The following ATP5F1A variants were observed in gnomAD, a reference collection of about 807,000 sequenced individuals.
ATP5F1A encodes ATP synthase F1 subunit alpha, also known as ATP synthase F(1) complex subunit alpha, mitochondrial.
A neutral mutation model predicts 57.4 loss-of-function variants in ATP5F1A; 24 were observed. The ratio of observed to expected loss-of-function variants is 0.42; its 90% CI spans 0.30 to 0.59. ATP5F1A has a LOEUF of 0.59. Ranked by LOEUF, ATP5F1A falls within the 20% of genes least tolerant of loss-of-function variation. ATP5F1A has a pLI of 0.19. For missense variants in ATP5F1A, 494 were observed against 707.9 expected, an observed-to-expected ratio of 0.70 and a Z score of 3.43; for synonymous variants, 251 against 255.5, an observed-to-expected ratio of 0.98 and a Z score of 0.17.
rs779014966 is a variant in ATP5F1A at position 46,089,955 on chromosome 18, G to A, written c.351C>T (p.Val117=). Residue 117 remains valine, a synonymous_variant, in exon 4 of 12, where the codon GTC becomes GTT. Transcript: ENST00000398752. ...TAATTAGTTTATCATTTCCAAACACGACAACACCAACATTGTCAGGTTCCA... is the reference window on the plus strand; with the variant it reads ...TAATTAGTTTATCATTTCCAAACACAACAACACCAACATTGTCAGGTTCCA... ...LNLEPDNVGV[V]VFGNDKLIKE... 51 of 1,610,296 alleles carry A rather than the reference G, an allele frequency of 3.2e-5. No individual in the cohort carries two copies. The highest frequency in any genetic ancestry group is 1.2e-4 in the African/African-American group (9 of 74,542).
intron 2 of ATP5F1A, chr18:46,092,206 AT>A (rs372257509): frequency 0.31 from 46,392 of 147,880 alleles, 8,836 homozygotes; most frequent in Middle Eastern, 0.5. Context: ...AATAATAATA[AT>A]AATAATAATA....
At chr18:46,094,362 C>G (rs1390680542) in intron 2 of ATP5F1A, among the ~76,000 whole-genome samples, 1 of 152,060 alleles carries the variant, frequency 6.6e-6, no homozygotes, top group Non-Finnish European at 1.5e-5. Flanking sequence ...TAGCTACTGC[C>G]TTTGAAAAAA....
chr18:46,093,780 C>T (rs968863847), intron 2 of ATP5F1A, among the ~76,000 whole-genome samples: 3 of 151,692 alleles, frequency 2.0e-5, no homozygotes, highest in East Asian at 3.9e-4. Flanking sequence ...GCTGAGATGG[C>T]GCAACTGCAC....
intron 8 of ATP5F1A, chr18:46,086,717 A>G (rs374592086): frequency 6.0e-5 from 36 of 597,524 alleles, no homozygotes; most frequent in East Asian, 2.0e-4. Context: ...ATACTGAAAT[A>G]CATACAAATG....
chr18:46,095,871 AAT>A (rs981595367), intron 1 of ATP5F1A, among the ~76,000 whole-genome samples: 3 of 148,386 alleles, frequency 2.0e-5, no homozygotes, highest in Non-Finnish European at 4.4e-5. Flanking sequence ...CTGGGCAGTA[AAT>A]ATATATATAC....
chr18:46,086,043 A>C (rs1372159080), intron 10 of ATP5F1A, 70 bp downstream of exon 10: 1 of 1,526,032 alleles, frequency 6.6e-7, no homozygotes, highest in Non-Finnish European at 8.9e-7. Flanking sequence ...TATGTGATGC[A>C]GCTCTGTAGG....
chr18:46,093,525 C>T (rs1007852464), intron 2 of ATP5F1A, among the ~76,000 whole-genome samples: 6 of 151,434 alleles, frequency 4.0e-5, no homozygotes, highest in Admixed American at 6.6e-5. Flanking sequence ...GGCAACAGAG[C>T]GAAACTCTGT....
At chr18:46,095,298 G>A (rs940822684) in intron 1 of ATP5F1A, among the ~76,000 whole-genome samples, 167 bp from the exon 2 acceptor site, 2 of 152,140 alleles carry the variant, frequency 1.3e-5, no homozygotes, top group African/African-American at 4.8e-5. Flanking sequence ...TTTGATATAT[G>A]TGAAAACCTT....
upstream of ATP5F1A, chr18:46,098,433 T>C: frequency 7.3e-7 from 1 of 1,364,614 alleles, no homozygotes; most frequent in Non-Finnish European, 9.5e-7. Flanking sequence ...ATGTAACATT[T>C]TTAAGTTTAA....
chr18:46,094,076 C>T (rs1477949583), intron 2 of ATP5F1A, among the ~76,000 whole-genome samples: 3 of 151,624 alleles, frequency 2.0e-5, no homozygotes, highest in African/African-American at 7.3e-5. Flanking sequence ...CACTGCACTC[C>T]AGCCTGGGCA....
chr18:46,089,597 G>A lies in ATP5F1A; in HGVS notation c.619C>T (p.Arg207Cys). 6.2e-7 allele frequency: 1 copy of A among 1,614,128 alleles called. No individual in the cohort carries two copies. The highest frequency in any genetic ancestry group is 8.5e-7 in the Non-Finnish European group (1 of 1,180,034). Residue 207 changes from arginine to cysteine, a missense_variant, in exon 5 of 12, where the codon CGT (arginine) becomes TGT (cysteine). Transcript: ENST00000398752. Reference sequence around the variant, plus strand: ...TGTCGGTCACCAATAATCAGTTCACGCTGACCACGACCAATTGGCACCAAG... The same window carrying A: ...TGTCGGTCACCAATAATCAGTTCACACTGACCACGACCAATTGGCACCAAG... ...DSLVPIGRGQ[R>C]ELIIGDRQTG...
rs1909781270 is a variant in ATP5F1A, at chr18:46,082,051, C to G, written c.*2231G>C. On this transcript the variant is annotated 3_prime_UTR_variant, in exon 12 of 12. Coordinates refer to ENST00000398752, the MANE Select transcript of ATP5F1A (RefSeq NM_004046.6). ...TTTTAGAACATGACCATGTATGACC[C>G]TTACAGACAAAAGCCTTTATATATC... 3 of 148,798 alleles carry G rather than the reference C, an allele frequency of 2.0e-5. No homozygotes were observed. Among genetic ancestry groups the G allele is most frequent in the African/African-American group, 7.5e-5 (3 of 40,226 alleles). The allele number at this position is 148,798 out of a possible 1,614,324, so 9.2% of individuals were successfully genotyped here. A position where few individuals can be genotyped will look rare whatever the true frequency, so the allele number is the denominator to read the frequency against.
intron 10 of ATP5F1A, chr18:46,085,850 G>A (rs773996226): frequency 3.2e-5 from 13 of 400,896 alleles, no homozygotes; most frequent in African/African-American, 1.9e-4. Flanking sequence ...GGAGAATCGC[G>A]TGAATCCAGG....
At position 46,086,177 on chromosome 18, in the gene ATP5F1A, A is replaced by G; in HGVS notation, c.1365T>C (p.Ala455=). Residue 455 remains alanine, a synonymous_variant, in exon 10 of 12, where the codon GCT becomes GCC. Transcript: ENST00000398752. ...AFAQFGSDLD[A]ATQQLLSRGV... is the part of the protein sequence containing the mutation. ...CACGACTCAAAAGTTGTTGAGTGGC[A>G]GCATCGAGGTCAGAACCGAACTGGG... 1.2e-6 allele frequency: 2 copies of G among 1,612,490 alleles called. No individual in the cohort carries two copies. The highest frequency in any genetic ancestry group is 1.7e-6 in the Non-Finnish European group (2 of 1,180,022).
intron 1 of ATP5F1A, chr18:46,097,735 C>A: frequency 1.2e-6 from 1 of 826,190 alleles, no homozygotes; most frequent in Non-Finnish European, 1.5e-6. Context: ...CTGACCTTCA[C>A]ACAATGTCAG....
At chr18:46,098,313 G>C, upstream of ATP5F1A, 1 of 1,489,670 alleles carries the variant, frequency 6.7e-7, no homozygotes, top group Non-Finnish European at 9.0e-7. Flanking sequence ...CCGCAAAGAA[G>C]GTCAAGACAG....
chr18:46,094,224 C>T (rs1910780143), intron 2 of ATP5F1A, among the ~76,000 whole-genome samples: 1 of 151,956 alleles, frequency 6.6e-6, no homozygotes, highest in Admixed American at 6.6e-5. Flanking sequence ...TATATTTAAC[C>T]TTTATTTTAA....
rs374054383 is a variant in ATP5F1A, at chr18:46,086,007, A to G, written c.1429+106T>C. On this transcript the variant is annotated intron_variant, in intron 10 of 11. Transcript: ENST00000398752. ...AAGTGCCTTTGATGAAAGATAACAG[A>G]TAACAACACGTAGTACAGGCCGTGA... 291 of 1,232,256 alleles carry G rather than the reference A, an allele frequency of 2.4e-4. 1 individual carries two copies. The South Asian group carries it at 4.1e-3, about 18-fold the overall frequency. The allele number at this position is 1,232,256 out of a possible 1,614,324, so 76.3% of individuals were successfully genotyped here.
chr18:46,086,245 T>C lies in ATP5F1A; in HGVS notation c.1297A>G (p.Met433Val). 6.2e-7 allele frequency: 1 copy of C among 1,613,894 alleles called. No individual in the cohort carries two copies. The highest frequency in any genetic ancestry group is 2.2e-5 in the East Asian group (1 of 44,888). The change falls in exon 10 of 12, where the codon ATG becomes GTG. Residue 433 changes from methionine (M) to valine (V), a missense_variant. Met to Val is a conservative substitution (Grantham distance 21). Around this residue, in one of 6 missense-constraint regions of ATP5F1A, gnomAD observed 127 missense variants for 195.2 expected, o/e 0.65. Transcript: ENST00000398752. The stretch of plus-strand genomic sequence containing the variant: ...CGATACTGAGCCAATTCCAGCTTCA[T>C]GGTACCTGCTACCTGCAATACAGAA... ...TRAMKQVAGT[M>V]KLELAQYREV...
Sources: allele counts gnomAD v4.1 joint callset (sites outside exome capture counted in the v4.1 genomes callset), GRCh38; gene constraint gnomAD v4.1.1; regional missense constraint gnomAD v4.1.1; transcripts MANE v1.5; gene names NCBI Gene and HGNC (gene_info 2026-07-23, HGNC 2026-07-21).